Variants in CNKSR2 observed in about 807,000 individuals in gnomAD.
The protein encoded by CNKSR2 is CNK homolog protein 2.
Under a neutral mutation model 84.4 loss-of-function variants are expected in CNKSR2, and 14 were observed. The ratio of observed to expected loss-of-function variants is 0.17; its 90% CI spans 0.11 to 0.26. The LOEUF (loss-of-function observed/expected upper bound fraction) is 0.26. CNKSR2 is among the 10% of genes least tolerant of loss of function. The pLI, the probability that CNKSR2 is intolerant of heterozygous loss-of-function variation, is 1.00. For synonymous variants in CNKSR2, 275 were observed against 277.9 expected (o/e 0.99, Z 0.10); for missense variants, 485 against 771.2 (o/e 0.63, Z 4.40).
chrX:21,609,736 T>C (rs1293830760), intron 20 of CNKSR2, 119 bp downstream of exon 20: 4 of 958,836 alleles, frequency 4.2e-6, no homozygotes. Flanking sequence ...AGTATTGCTA[T>C]ATAGTAAGTT....
intron 11 of CNKSR2, among the ~76,000 whole-genome samples, chrX:21,550,374 C>T (rs1569236601): frequency 8.9e-6 from 1 of 112,182 alleles, no homozygotes; most frequent in Admixed American, 9.4e-5. Context: ...GAGATACCAT[C>T]TCATGCCAGT....
At chrX:21,387,442 A>G (rs1423849399) in intron 1 of CNKSR2, among the ~76,000 whole-genome samples, 2 of 111,626 alleles carry the variant, frequency 1.8e-5, no homozygotes, top group Admixed American at 9.5e-5. Context: ...TGGTCGCGCC[A>G]CTGTACTCCA....
intron 11 of CNKSR2, among the ~76,000 whole-genome samples, chrX:21,536,111 A>G (rs893268139): frequency 1.8e-5 from 2 of 111,338 alleles, no homozygotes; most frequent in Non-Finnish European, 3.8e-5. Flanking sequence ...TTGTGTATCT[A>G]TTGAAATGTT....
intron 18 of CNKSR2, among the ~76,000 whole-genome samples, chrX:21,602,019 C>A (rs914092504): frequency 8.9e-6 from 1 of 112,256 alleles, no homozygotes; most frequent in Non-Finnish European, 1.9e-5. Context: ...CAAACCTATT[C>A]GTAGTTGTGT....
At chrX:21,618,846 C>T (rs1317852164) in intron 20 of CNKSR2, among the ~76,000 whole-genome samples, 1 of 111,745 alleles carries the variant, frequency 8.9e-6, no homozygotes, top group African/African-American at 3.2e-5. Context: ...TGTTAAGAGC[C>T]TGTCTAGCTC....
intron 8 of CNKSR2, chrX:21,503,390 A>G: frequency 3.4e-6 from 1 of 292,297 alleles, no homozygotes; most frequent in Non-Finnish European, 6.0e-6. Context: ...AACCATAGCT[A>G]ACACTTATTG....
intron 8 of CNKSR2, among the ~76,000 whole-genome samples, chrX:21,507,614 G>T (rs574411878): frequency 1.8e-5 from 2 of 111,222 alleles, no homozygotes; most frequent in African/African-American, 6.5e-5. Flanking sequence ...TACATATATT[G>T]CAGTATTTGC....
chrX:21,472,181 G>A (rs886450973), intron 5 of CNKSR2, among the ~76,000 whole-genome samples: 2 of 111,695 alleles, frequency 1.8e-5, no homozygotes, highest in Non-Finnish European at 3.8e-5. Flanking sequence ...TAACTAAGGA[G>A]CATGCACAGA....
At chrX:21,541,799 G>T in intron 11 of CNKSR2, among the ~76,000 whole-genome samples, 1 of 112,091 alleles carries the variant, frequency 8.9e-6, no homozygotes, top group Non-Finnish European at 1.9e-5. Flanking sequence ...CTAAAAAACA[G>T]AAAGGTTAAA....
intron 4 of CNKSR2, among the ~76,000 whole-genome samples, chrX:21,457,857 C>G (rs996894737): frequency 8.9e-6 from 1 of 111,802 alleles, no homozygotes; most frequent in Non-Finnish European, 1.9e-5. Flanking sequence ...AAAACATTTC[C>G]ATATCACTTG....
chrX:21,608,116 A>T (rs1261352806), intron 19 of CNKSR2: 1 of 111,484 alleles, frequency 9.0e-6, no homozygotes, highest in Non-Finnish European at 1.9e-5. Context: ...TCATATTATT[A>T]TTAACATGTG....
intron 1 of CNKSR2, among the ~76,000 whole-genome samples, chrX:21,375,394 C>T (rs1259442417): frequency 1.8e-5 from 2 of 112,320 alleles, no homozygotes; most frequent in African/African-American, 6.5e-5. Flanking sequence ...CCTCGGCGGC[C>T]GCCCTTGCCA....
At chrX:21,591,968 A>G in intron 15 of CNKSR2, 1 of 111,950 alleles carries the variant, frequency 8.9e-6, no homozygotes, top group East Asian at 2.8e-4. Flanking sequence ...TACATGGCTT[A>G]ATGTAGTGTG....
intron 6 of CNKSR2, chrX:21,491,502 G>C (rs1601857437): frequency 8.9e-6 from 1 of 111,986 alleles, no homozygotes; most frequent in South Asian, 3.7e-4. Flanking sequence ...TAACTGTTCA[G>C]AAGGCAAAGC....
intron 13 of CNKSR2, among the ~76,000 whole-genome samples, chrX:21,586,482 G>C (rs1259925609): frequency 1.8e-5 from 2 of 111,555 alleles, no homozygotes; most frequent in African/African-American, 6.5e-5. Flanking sequence ...GAGACAGCAA[G>C]ACGCTTAGTT....
chrX:21,473,745 G>GTTTTTTTTTTTTTTTTTTTTTTTTTTTTT lies in CNKSR2; in HGVS notation c.561+2957_561+2958insTTTTTTTTTTTTTTTTTTTTTTTTTTTTT. On this transcript the variant is annotated intron_variant, in intron 5 of 21. Coordinates refer to ENST00000379510, the MANE Select transcript of CNKSR2 (RefSeq NM_014927.5). Reference sequence around the variant, plus strand: ...TAGGTTTTTTGTTGTTGTTGGTTTGGTTTTTTTTTTTTTTTTTTTGAGACA... The same window carrying GTTTTTTTTTTTTTTTTTTTTTTTTTTTTT: ...TAGGTTTTTTGTTGTTGTTGGTTTGGTTTTTTTTTTTTTTTTTTTTTTTTTTTTTTTTTTTTTTTTTTTTTTTTGAGACA... Among the ~76,000 whole-genome samples, 20 of 67,202 alleles carry GTTTTTTTTTTTTTTTTTTTTTTTTTTTTT rather than the reference G, an allele frequency of 3.0e-4. 6 individuals are homozygous for GTTTTTTTTTTTTTTTTTTTTTTTTTTTTT. The highest frequency in any genetic ancestry group is 1.8e-3 in the African/African-American group (17 of 9,709). 58.4% of individuals were successfully genotyped at this position (67,202 alleles called of 115,157 possible).
At chrX:21,509,774 A>G (rs1167635001) in intron 8 of CNKSR2, among the ~76,000 whole-genome samples, 1 of 111,743 alleles carries the variant, frequency 8.9e-6, no homozygotes, top group Non-Finnish European at 1.9e-5. Context: ...GTAGATTGGT[A>G]CTCATTATTT....
At chrX:21,486,812 T>A (rs974945400) in intron 5 of CNKSR2, among the ~76,000 whole-genome samples, 12 of 111,876 alleles carry the variant, frequency 1.1e-4, no homozygotes, top group African/African-American at 3.9e-4. Flanking sequence ...TGATTTCACT[T>A]AATGAATAGC....
rs2092009857 is a variant in CNKSR2 at position 21,544,925 on chromosome X, C to T, written c.1303+12858C>T. 4.5e-5 allele frequency among the ~76,000 whole-genome samples: 5 copies of T among 111,551 alleles called. No individual in the cohort carries two copies. The Admixed American group carries it at 4.7e-4, about 11-fold the overall frequency. ...ATGAGATTCCCTCAGGTGCCTACAC[C>T]ACCAGGGCCCTGGGTTTCAAGCACA... On this transcript the variant is annotated intron_variant, in intron 11 of 21. Transcript: ENST00000379510.
Sources: gnomAD v4.1 joint callset for allele counts (sites outside exome capture counted in the v4.1 genomes callset) on GRCh38, gnomAD v4.1.1 for gene constraint, MANE v1.5 for transcripts, NCBI Gene and HGNC (gene_info 2026-07-23, HGNC 2026-07-21) for gene names.